UPF1: variants seen among roughly 807,000 people sequenced by gnomAD.
UPF1 encodes regulator of nonsense transcripts 1.
UPF1 carries 9 observed loss-of-function variants against 129.2 expected under a neutral mutation model. The observed-to-expected ratio is 0.07, with a 90% CI of 0.04 to 0.12. UPF1 has a LOEUF of 0.12. Ranked by LOEUF, UPF1 falls within the 10% of genes least tolerant of loss-of-function variation. The pLI is 1.00. For synonymous variants in UPF1, 649 were observed against 644.9 expected, an observed-to-expected ratio of 1.01 and a Z score of -0.10; for missense variants, 788 against 1,525.3, an observed-to-expected ratio of 0.52 and a Z score of 8.05.
chr19:18,861,115 C>A, intron 17 of UPF1, 133 bp downstream of exon 17: 1 of 1,273,590 alleles, frequency 7.9e-7, no homozygotes, highest in African/African-American at 1.5e-5. Context: ...CCAGCTGGCC[C>A]ACCCTCTGGG....
intron 1 of UPF1, among the ~76,000 whole-genome samples, chr19:18,843,614 G>A (rs1289813091): frequency 6.6e-6 from 1 of 150,798 alleles, no homozygotes; most frequent in Non-Finnish European, 1.5e-5. Context: ...CGCCTCCTGG[G>A]TTCAAGCGAT....
chr19:18,861,034 G>C (rs1002676807), intron 17 of UPF1, 52 bp downstream of exon 17: 17 of 1,512,508 alleles, frequency 1.1e-5, no homozygotes, highest in Non-Finnish European at 1.5e-5. Flanking sequence ...CAAGGGTATT[G>C]ACCCTTGACC....
rs2055433465 is a variant in UPF1, at chr19:18,832,248, C to T, written c.39C>T (p.Leu13=). The change falls in exon 1 of 24, where the codon CTC becomes CTT. Residue 13 remains leucine, a synonymous_variant. Coordinates refer to ENST00000262803, the MANE Select transcript of UPF1 (RefSeq NM_002911.4). This position sits in a 1 kb window ranked among gnomAD's most constrained non-coding sequence, Gnocchi z 5.6. ...VEAYGPSSQT[L]TFLDTEEAEL... ...CGTACGGGCCCAGCTCGCAGACTCT[C>T]ACTTTCCTGGACACGGAGGAGGCCG... 1 of 1,553,896 alleles carries T rather than the reference C, an allele frequency of 6.4e-7. No individual in the cohort carries two copies. Among genetic ancestry groups the T allele is most frequent in the African/African-American group, 1.4e-5 (1 of 70,386 alleles).
At chr19:18,863,941 T>A (rs990313930) in intron 19 of UPF1, among the ~76,000 whole-genome samples, 19 of 152,012 alleles carry the variant, frequency 1.2e-4, no homozygotes, top group Admixed American at 3.3e-4. Flanking sequence ...GGTGTGAAGC[T>A]TCCTGAGCTG....
intron 1 of UPF1, among the ~76,000 whole-genome samples, chr19:18,841,186 G>A (rs969194952): frequency 5.9e-5 from 9 of 152,270 alleles, no homozygotes; most frequent in African/African-American, 1.4e-4. Context: ...GAGCTGGTGA[G>A]CCCTGTGCCT....
In UPF1 at chr19:18,856,076, A is replaced by C; in HGVS notation, c.1696A>C (p.Arg566=). The C allele has an allele frequency of 6.2e-7, 1 of 1,614,008 alleles. No individual in the cohort carries two copies. Among genetic ancestry groups the C allele is most frequent in the Non-Finnish European group, 8.5e-7 (1 of 1,180,008 alleles). Reference sequence around the variant, plus strand: ...TTTTCTGGCCCTGCACAACCAGATCAGGAACATGGACAGGTGTGTGTCGAG... The same window carrying C: ...TTTTCTGGCCCTGCACAACCAGATCCGGAACATGGACAGGTGTGTGTCGAG... ...VSFLALHNQI[R]NMDSMPELQK... The change falls in exon 12 of 24, where the codon AGG becomes CGG. Residue 566 remains arginine (R), a synonymous_variant. Transcript: ENST00000262803.
chr19:18,860,969 C>G lies in UPF1; in HGVS notation c.2444C>G (p.Thr815Ser), dbSNP rs2055772378. The change falls in exon 17 of 24, where the codon ACC becomes AGC. Residue 815 changes from threonine to serine, a missense_variant. By Grantham distance (58) the Thr-to-Ser change is moderately conservative. This residue lies in a region of UPF1 where 140 missense variants were observed against 385.9 expected (regional missense o/e 0.36). Transcript: ENST00000262803. Reference protein sequence around the residue: ...QYMQFSGSLHTKLYQEVEIAS... With the variant: ...QYMQFSGSLHSKLYQEVEIAS... ...ATGCAGTTCAGCGGCTCCCTGCACA[C>G]CAAGCTCTACCAGGTGCGCTGCGCC... is the stretch of plus-strand genomic sequence containing the variant. The G allele has an allele frequency of 1.9e-6, 3 of 1,581,820 alleles. No homozygotes were observed. Among genetic ancestry groups the G allele is most frequent in the South Asian group, 2.3e-5 (2 of 87,316 alleles).
intron 1 of UPF1, among the ~76,000 whole-genome samples, chr19:18,845,018 G>A (rs1192412000): frequency 1.3e-5 from 2 of 152,244 alleles, no homozygotes; most frequent in Non-Finnish European, 2.9e-5. Context: ...AGGGGCCTCT[G>A]TGGGGTGCTG....
intron 1 of UPF1, among the ~76,000 whole-genome samples, chr19:18,844,433 C>T (rs1338426431): frequency 2.0e-5 from 3 of 151,936 alleles, no homozygotes; most frequent in South Asian, 4.1e-4. Context: ...AAGCAATTCT[C>T]CTGTCTCAGC....
At position 18,861,058 on chromosome 19, in the gene UPF1, C is replaced by T. The variant is rs1392055527; in HGVS notation, c.2457+76C>T. On this transcript the variant is annotated intron_variant, in intron 17 of 23. Coordinates refer to ENST00000262803, the MANE Select transcript of UPF1 (RefSeq NM_002911.4). ...TGACCCTTGACCTTTAAGTTACCCC[C>T]CAAGAGGGGCCCGTCCTGGCTGGAG... 2.7e-6 allele frequency: 4 copies of T among 1,478,736 alleles called. No individual in the cohort carries two copies. In the Admixed American group the frequency reaches 6.5e-5, roughly 24 times the overall value. 91.6% of individuals were successfully genotyped at this position (1,478,736 alleles called of 1,614,324 possible).
intron 11 of UPF1, 155 bp from the exon 12 acceptor site, chr19:18,855,770 C>T (rs1213360355): frequency 2.8e-6 from 3 of 1,067,510 alleles, no homozygotes; most frequent in Non-Finnish European, 3.9e-6. Context: ...ATTGCTTGAG[C>T]CCAGGATGTT....
At position 18,855,240 on chromosome 19, in the gene UPF1, C is replaced by T. The variant is rs758444822; in HGVS notation, c.1542C>T (p.Asn514=). The change falls in exon 11 of 24, where the codon AAC becomes AAT. Residue 514 remains asparagine, a splice_region_variant and synonymous_variant. Coordinates refer to ENST00000262803, the MANE Select transcript of UPF1 (RefSeq NM_002911.4). The part of the protein sequence containing the change: ...TIVYHLARQG[N]GPVLVCAPSN... ...TCTACCACCTGGCCCGGCAAGGCAA[C>T]GGGTAGGGCTGACACGGCCCTTGCG... 28 of 1,610,146 alleles carry T rather than the reference C, an allele frequency of 1.7e-5. No individual in the cohort carries two copies. The East Asian group carries it at 4.0e-4, about 23-fold the overall frequency.
At chr19:18,839,238 C>T (rs993335990) in intron 1 of UPF1, among the ~76,000 whole-genome samples, 6 of 152,046 alleles carry the variant, frequency 3.9e-5, no homozygotes, top group Admixed American at 6.6e-5. Flanking sequence ...ATTACAGGTG[C>T]GCACCACCAT....
chr19:18,855,309 G>A, intron 11 of UPF1, 67 bp downstream of exon 11: 1 of 1,544,238 alleles, frequency 6.5e-7, no homozygotes, highest in African/African-American at 1.4e-5. Context: ...TGGAAGGCCT[G>A]GTGCTGGGAG....
intron 6 of UPF1, 54 bp downstream of exon 6, chr19:18,852,350 C>G: frequency 6.3e-7 from 1 of 1,590,566 alleles, no homozygotes; most frequent in Non-Finnish European, 8.5e-7. Flanking sequence ...TCACAGCTCT[C>G]TCCTCAGGCT....
At chr19:18,852,444 G>C in intron 6 of UPF1, 148 bp downstream of exon 6, 1 of 1,181,402 alleles carries the variant, frequency 8.5e-7, no homozygotes, top group Non-Finnish European at 1.2e-6. Flanking sequence ...TTGCGGATCC[G>C]GGCCTGGCAG....
rs1266993163 is a variant in UPF1, at chr19:18,867,248, G to GT, written c.*735dup. The GT allele has an allele frequency of 6.6e-6, 1 of 152,268 alleles. No individual in the cohort carries two copies. Among genetic ancestry groups the GT allele is most frequent in the Non-Finnish European group, 1.5e-5 (1 of 68,050 alleles). The allele number at this position is 152,268 out of a possible 1,614,324, so 9.4% of individuals were successfully genotyped here. A position where few individuals can be genotyped will look rare whatever the true frequency, so the allele number is the denominator to read the frequency against. On this transcript the variant is annotated 3_prime_UTR_variant, in exon 24 of 24. Coordinates refer to ENST00000262803, the MANE Select transcript of UPF1 (RefSeq NM_002911.4). Reference sequence around the variant, plus strand: ...CGCGGCCGGAGGAGTTTTGTTGTTGGTTTTAGCTTCCAGTGGCTTCTTTCT... The same window carrying GT: ...CGCGGCCGGAGGAGTTTTGTTGTTGGTTTTTAGCTTCCAGTGGCTTCTTTCT...
At position 18,846,009 on chromosome 19, in the gene UPF1, G is replaced by A. The variant is rs747145097; in HGVS notation, c.261G>A (p.Gly87=). 1.2e-6 allele frequency: 2 copies of A among 1,614,040 alleles called. No homozygotes were observed. Among genetic ancestry groups the A allele is most frequent in the African/African-American group, 1.3e-5 (1 of 74,934 alleles). ...GGCCCGAAGGCATCCTGCAGAACGG[G>A]GCTGTGGACGACAGTGTAGCCAAGA... ...QVGPEGILQN[G]AVDDSVAKTS... The change falls in exon 2 of 24, where the codon GGG becomes GGA. Residue 87 remains glycine, a synonymous_variant. Coordinates refer to ENST00000262803, the MANE Select transcript of UPF1 (RefSeq NM_002911.4).
At chr19:18,852,805 C>T (rs758110500) in intron 6 of UPF1, among the ~76,000 whole-genome samples, 182 bp from the exon 7 acceptor site, 6 of 152,150 alleles carry the variant, frequency 3.9e-5, no homozygotes, top group African/African-American at 7.2e-5. Flanking sequence ...CCGGGGACTC[C>T]TAATGGCTTC....
Sources: gnomAD v4.1 joint callset for allele counts (sites outside exome capture counted in the v4.1 genomes callset) on GRCh38, gnomAD v4.1.1 for gene constraint, gnomAD v4.1.1 regional missense constraint, Gnocchi (gnomAD v3.1) non-coding constraint, MANE v1.5 for transcripts, NCBI Gene and HGNC (gene_info 2026-07-23, HGNC 2026-07-21) for gene names.